The following TGM5 variants were observed in gnomAD, a reference collection of about 807,000 sequenced individuals.
TGM5 encodes the protein protein-glutamine gamma-glutamyltransferase 5.
TGM5 carries 69 observed loss-of-function variants against 77.2 expected under a neutral mutation model. The observed-to-expected ratio is 0.89, with a 90% CI of 0.74 to 1.09. The LOEUF (loss-of-function observed/expected upper bound fraction) is 1.09. Ranked by LOEUF, TGM5 falls within the 50% of genes least tolerant of loss-of-function variation. The pLI, the probability that TGM5 is intolerant of heterozygous loss-of-function variation, is 0.00. For missense variants in TGM5, 842 were observed against 896.5 expected (o/e 0.94, Z 0.78); for synonymous variants, 346 against 351.8 (o/e 0.98, Z 0.18).
At chr15:43,236,078 T>G (rs2042588554) in intron 9 of TGM5, among the ~76,000 whole-genome samples, 1 of 152,190 alleles carries the variant, frequency 6.6e-6, no homozygotes, top group South Asian at 2.1e-4. Context: ...TTCTTCTTCT[T>G]CTTCCATACA....
Position 43,234,754 on chromosome 15 carries a change from A to G in TGM5, c.1875+15T>C. On this transcript the variant is annotated intron_variant, in intron 11 of 12. Coordinates refer to ENST00000220420, the MANE Select transcript of TGM5 (RefSeq NM_201631.4). ...CCAAGGAGCCCCACAAGCCATTTGC[A>G]GGACTCCTGCCTACATTAATCGTGA... The G allele has an allele frequency of 1.2e-6, 2 of 1,614,060 alleles. No homozygotes were observed. The highest frequency in any genetic ancestry group is 1.7e-6 in the Non-Finnish European group (2 of 1,179,918).
chr15:43,240,816 G>A (rs2042629926), intron 7 of TGM5, 36 bp downstream of exon 7: 1 of 1,613,468 alleles, frequency 6.2e-7, no homozygotes, highest in Non-Finnish European at 8.5e-7. Flanking sequence ...GCTCTGATGT[G>A]TGGCCCTAGA....
At chr15:43,240,703 T>G (rs529204108) in intron 7 of TGM5, 149 bp downstream of exon 7, 7 of 776,486 alleles carry the variant, frequency 9.0e-6, no homozygotes, top group East Asian at 3.2e-5. Flanking sequence ...GGGACAGCCT[T>G]GGTGGGGGGT....
rs779680997 is a variant in TGM5 at position 43,233,152 on chromosome 15, A to G, written c.*39T>C. ...GCATTTGAACTTGCTCCTTTTCCTG[A>G]AGCTTGAAATTCACACGTCTGGCGC... On this transcript the variant is annotated 3_prime_UTR_variant, in exon 13 of 13. Coordinates refer to ENST00000220420, the MANE Select transcript of TGM5 (RefSeq NM_201631.4). The G allele has an allele frequency of 5.0e-6, 8 of 1,612,900 alleles. No homozygotes were observed. In the Admixed American group the frequency reaches 6.7e-5, roughly 13 times the overall value.
In TGM5 at chr15:43,253,516, A is replaced by G. The variant is rs1297306145; in HGVS notation, c.674T>C (p.Val225Ala). 3 of 1,612,378 alleles carry G rather than the reference A, an allele frequency of 1.9e-6. No homozygotes were observed. Among genetic ancestry groups the G allele is most frequent in the South Asian group, 2.2e-5 (2 of 91,048 alleles). Reference protein sequence around the residue: ...RGSPVYVSRVVCAMINSNDDN... With the variant: ...RGSPVYVSRVACAMINSNDDN... ...CGCCAGGGACCTCACCATGGCACAC[A>G]CCACTCTGCTGACGTAGACGGGGCT... Residue 225 changes from valine to alanine, a missense_variant, in exon 5 of 13, where the codon GTG becomes GCG. Val to Ala is a moderately conservative substitution (Grantham distance 64, BLOSUM62 0). Coordinates refer to ENST00000220420, the MANE Select transcript of TGM5 (RefSeq NM_201631.4).
intron 3 of TGM5, 143 bp from the exon 4 acceptor site, chr15:43,256,829 A>G (rs2042745744): frequency 4.2e-6 from 3 of 716,432 alleles, no homozygotes; most frequent in Non-Finnish European, 7.6e-6. Context: ...AGTGGGTCTT[A>G]GGGAGTCCAT....
At chr15:43,253,670 G>A in intron 4 of TGM5, 36 bp from the exon 5 acceptor site, 1 of 1,608,070 alleles carries the variant, frequency 6.2e-7, no homozygotes, top group South Asian at 1.1e-5. Flanking sequence ...AGGCACCCAT[G>A]CTTGTCACGT....
In TGM5 at chr15:43,233,071, G is replaced by A; in HGVS notation, c.*120C>T. On this transcript the variant is annotated 3_prime_UTR_variant, in exon 13 of 13. Coordinates refer to ENST00000220420, the MANE Select transcript of TGM5 (RefSeq NM_201631.4). ...AGAAAATGAACACGTCATCCCCTCT[G>A]TGGCTCTTGCTGGAGCCCTGTGAAG... 8.0e-7 allele frequency: 1 copy of A among 1,248,476 alleles called. No individual in the cohort carries two copies. The highest frequency in any genetic ancestry group is 1.1e-6 in the Non-Finnish European group (1 of 883,422). 77.3% of individuals were successfully genotyped at this position (1,248,476 alleles called of 1,614,324 possible). A position where few individuals can be genotyped will look rare whatever the true frequency, so the allele number is the denominator to read the frequency against.
Position 43,233,327 on chromosome 15 carries a change from G to T in TGM5, c.2027C>A (p.Pro676His). The change falls in exon 13 of 13, where the codon CCC (proline) becomes CAC (histidine). Residue 676 changes from proline to histidine, a missense_variant. Pro to His is a moderately conservative substitution (Grantham distance 77, BLOSUM62 -2). This residue lies in a region of TGM5 where 815 missense variants were observed against 844.6 expected (regional missense o/e 0.96). Transcript: ENST00000220420. Reference sequence around the variant, plus strand: ...CAGAATGATGCTTGCTTGGTGTTGGGGTTTGAGGACTCCAAGGCTGCAACA... The same window carrying T: ...CAGAATGATGCTTGCTTGGTGTTGGTGTTTGAGGACTCCAAGGCTGCAACA... Reference protein sequence around the residue: ...QQKVFLGVLKPQHQASIILET... With the variant: ...QQKVFLGVLKHQHQASIILET... 2 of 1,613,680 alleles carry T rather than the reference G, an allele frequency of 1.2e-6. No individual in the cohort carries two copies. Among genetic ancestry groups the T allele is most frequent in the East Asian group, 2.2e-5 (1 of 44,890 alleles).
chr15:43,260,738 G>A, intron 1 of TGM5, 159 bp from the exon 2 acceptor site: 1 of 790,554 alleles, frequency 1.3e-6, no homozygotes, highest in Non-Finnish European at 2.2e-6. Flanking sequence ...CCAGGATGAG[G>A]ATAAGGATGA....
chr15:43,251,464 A>T (rs575072170), intron 6 of TGM5, among the ~76,000 whole-genome samples: 18 of 152,204 alleles, frequency 1.2e-4, no homozygotes, highest in Non-Finnish European at 2.2e-4. Flanking sequence ...TTTGTCACAC[A>T]CAAAATTCTA....
intron 1 of TGM5, among the ~76,000 whole-genome samples, chr15:43,265,455 C>A (rs753942529): frequency 3.3e-5 from 5 of 152,356 alleles, no homozygotes; most frequent in Non-Finnish European, 5.9e-5. Flanking sequence ...GCAGGCATGG[C>A]AGCATCTGCC....
chr15:43,256,573 C>T lies in TGM5; in HGVS notation c.550G>A (p.Gly184Arg), dbSNP rs2042743725. 1 of 1,613,728 alleles carries T rather than the reference C, an allele frequency of 6.2e-7. No homozygotes were observed. The highest frequency in any genetic ancestry group is 8.5e-7 in the Non-Finnish European group (1 of 1,179,626). Residue 184 changes from glycine to arginine, a missense_variant, in exon 4 of 13, where the codon GGA (glycine) becomes AGA (arginine). Physicochemically the swap from Gly to Arg is moderately radical, Grantham distance 125. Transcript: ENST00000220420. Reference protein sequence around the residue: ...NWIRPCPWNYGQFEDKIIDIC... With the variant: ...NWIRPCPWNYRQFEDKIIDIC... ...TAAGCAGGGCTGAGACTCACCTGTCCATAGTTCCAGGGACATGGGCGGATC... is the reference window on the plus strand; with the variant it reads ...TAAGCAGGGCTGAGACTCACCTGTCTATAGTTCCAGGGACATGGGCGGATC...
intron 6 of TGM5, among the ~76,000 whole-genome samples, chr15:43,252,509 G>A (rs1364071953): frequency 6.6e-6 from 1 of 151,952 alleles, no homozygotes; most frequent in African/African-American, 2.4e-5. Context: ...GTAGAGACGG[G>A]GTTTCACCAT....
intron 6 of TGM5, among the ~76,000 whole-genome samples, chr15:43,249,144 A>G (rs1383677993): frequency 6.6e-6 from 1 of 152,118 alleles, no homozygotes; most frequent in Non-Finnish European, 1.5e-5. Context: ...GTCACACATT[A>G]GTACCTCCCA....
At chr15:43,238,202 C>G (rs1330295501) in intron 9 of TGM5, among the ~76,000 whole-genome samples, 1 of 152,216 alleles carries the variant, frequency 6.6e-6, no homozygotes. Flanking sequence ...GATCCCAGCT[C>G]TGGCCCTCAC....
intron 1 of TGM5, among the ~76,000 whole-genome samples, chr15:43,264,377 T>C (rs1290461924): frequency 3.3e-5 from 5 of 152,080 alleles, no homozygotes; most frequent in Non-Finnish European, 5.9e-5. Context: ...AACAACACAA[T>C]TGTCCATCAA....
At chr15:43,235,079 A>T (rs2042578111) in intron 10 of TGM5, 150 bp from the exon 11 acceptor site, 1 of 972,724 alleles carries the variant, frequency 1.0e-6, no homozygotes. Context: ...TGAGGAAATG[A>T]GCTGAAAAGA....
At position 43,238,737 on chromosome 15, in the gene TGM5, C is replaced by A. The variant is rs1596441402; in HGVS notation, c.1345+80G>T. 11 of 1,576,254 alleles carry A rather than the reference C, an allele frequency of 7.0e-6. No homozygotes were observed. The South Asian group carries it at 9.2e-5, about 13-fold the overall frequency. On this transcript the variant is annotated intron_variant, in intron 9 of 12. Transcript: ENST00000220420. ...GACAGTGGGGCTGGGTCCTGCCTCGCAGATGCTCTCTGGCTCCCTGGGGTA... is the reference window on the plus strand; with the variant it reads ...GACAGTGGGGCTGGGTCCTGCCTCGAAGATGCTCTCTGGCTCCCTGGGGTA...
Sources: allele counts gnomAD v4.1 joint callset (sites outside exome capture counted in the v4.1 genomes callset), GRCh38; gene constraint gnomAD v4.1.1; regional missense constraint gnomAD v4.1.1; transcripts MANE v1.5; gene names NCBI Gene and HGNC (gene_info 2026-07-23, HGNC 2026-07-21).